The following COL24A1 variants were observed in gnomAD, a reference collection of about 807,000 sequenced individuals.
The protein encoded by COL24A1 is collagen type XXIV alpha 1 chain.
Under a neutral mutation model 253.9 loss-of-function variants are expected in COL24A1, and 224 were observed. The ratio of observed to expected loss-of-function variants is 0.88; its 90% CI spans 0.79 to 0.99. The LOEUF (loss-of-function observed/expected upper bound fraction) is 0.99. COL24A1 is among the 50% of genes least tolerant of loss of function. The probability of loss-of-function intolerance (pLI) is 0.00; values close to 1 mark genes in which losing one functional copy is unlikely to be tolerated. For synonymous variants in COL24A1, 685 were observed against 673.7 expected (o/e 1.02, Z -0.26); for missense variants, 2,131 against 2,068.5 (o/e 1.03, Z -0.59).
intron 19 of COL24A1, among the ~76,000 whole-genome samples, chr1:85,999,621 CTAAAATAAAATAAAG>C (rs1230654145): frequency 2.4e-5 from 3 of 127,622 alleles, no homozygotes; most frequent in South Asian, 2.9e-4. Context: ...CCCTGTCTCA[CTAAAATAAAATAAAG>C]TAAAATAAAA....
intron 37 of COL24A1, among the ~76,000 whole-genome samples, chr1:85,858,653 TTCCTTC>T (rs1343135990): frequency 1.3e-5 from 2 of 149,624 alleles, no homozygotes; most frequent in African/African-American, 2.5e-5. Context: ...CCTTCCTTCC[TTCCTTC>T]CTTCCTTCCT....
intron 59 of COL24A1, among the ~76,000 whole-genome samples, chr1:85,731,549 T>G (rs1389257480): frequency 1.3e-5 from 2 of 152,220 alleles, no homozygotes; most frequent in Non-Finnish European, 2.9e-5. Flanking sequence ...CACTGTTAGA[T>G]TCATTCATTA....
chr1:86,130,427 T>C lies in COL24A1; in HGVS notation c.122-4213A>G, dbSNP rs565647860. 2.0e-5 allele frequency among the ~76,000 whole-genome samples: 3 copies of C among 152,068 alleles called. No individual in the cohort carries two copies. In the South Asian group the frequency reaches 6.2e-4, roughly 32 times the overall value. ...TAATTTTTTGAAGTCTTTCACTATG[T>C]AGTTTGTTTCCTTTGCTTTGCTTTG... On this transcript the variant is annotated intron_variant, in intron 2 of 59. Coordinates refer to ENST00000370571, the MANE Select transcript of COL24A1 (RefSeq NM_152890.7).
chr1:86,114,840 T>C lies in COL24A1; in HGVS notation c.1545+485A>G, dbSNP rs182775339. Among the ~76,000 whole-genome samples the C allele has an allele frequency of 2.3e-4, 35 of 152,300 alleles. No homozygotes were observed. In the East Asian group the frequency reaches 6.4e-3, roughly 28 times the overall value. On this transcript the variant is annotated intron_variant, in intron 4 of 59. Coordinates refer to ENST00000370571, the MANE Select transcript of COL24A1 (RefSeq NM_152890.7). Reference sequence around the variant, plus strand: ...AGAGAAACTAATTTTAACATAGCAATAAGTCTTTTGTTGGGCCTGTGTAAC... The same window carrying C: ...AGAGAAACTAATTTTAACATAGCAACAAGTCTTTTGTTGGGCCTGTGTAAC...
chr1:85,866,491 GA>G (rs1340650685), intron 37 of COL24A1, among the ~76,000 whole-genome samples: 8 of 151,644 alleles, frequency 5.3e-5, no homozygotes, highest in African/African-American at 1.9e-4. Context: ...ATAATTTTGG[GA>G]GCTGGGCATG....
rs142446788 is a variant in COL24A1 at position 85,849,356 on chromosome 1, T to G, written c.3351A>C (p.Lys1117Asn). The change falls in exon 38 of 60, where the codon AAA (lysine) becomes AAC (asparagine). Residue 1117 changes from lysine to asparagine, a missense_variant. By Grantham distance (94) the Lys-to-Asn change is moderately conservative. Transcript: ENST00000370571. ...GIPGQRGRPG[K>N]KGDKGQIGPT... ...ATAAGAAGATGTAAAAAATTACCTTTTTTCCTGGACGACCTCTTTGCCCTG... is the reference window on the plus strand; with the variant it reads ...ATAAGAAGATGTAAAAAATTACCTTGTTTCCTGGACGACCTCTTTGCCCTG... 1 of 1,612,820 alleles carries G rather than the reference T, an allele frequency of 6.2e-7. No individual in the cohort carries two copies. The highest frequency in any genetic ancestry group is 2.2e-5 in the East Asian group (1 of 44,784).
chr1:86,001,692 G>GA (rs879896269), intron 19 of COL24A1, among the ~76,000 whole-genome samples: 60 of 151,620 alleles, frequency 4.0e-4, no homozygotes, highest in African/African-American at 1.4e-3. Flanking sequence ...AATTATAGGG[G>GA]AAAAAAAAGA....
intron 1 of COL24A1, 138 bp downstream of exon 1, chr1:86,156,203 C>A: frequency 1.5e-6 from 1 of 662,184 alleles, no homozygotes; most frequent in Non-Finnish European, 2.6e-6. Flanking sequence ...GGGGAAGATA[C>A]CGCGGGTACT....
At chr1:86,117,093 T>C (rs1706221552) in intron 3 of COL24A1, among the ~76,000 whole-genome samples, 1 of 152,164 alleles carries the variant, frequency 6.6e-6, no homozygotes, top group African/African-American at 2.4e-5. Context: ...AAATGAAAAG[T>C]TTTCTTTAAA....
chr1:85,847,895 TAAC>T, intron 38 of COL24A1, 123 bp from the exon 39 acceptor site: 1 of 507,158 alleles, frequency 2.0e-6, no homozygotes, highest in South Asian at 3.8e-5. Flanking sequence ...AGATCACTAT[TAAC>T]AACAATAACA....
chr1:85,804,666 C>T (rs1158083551), intron 47 of COL24A1, among the ~76,000 whole-genome samples: 3 of 152,078 alleles, frequency 2.0e-5, no homozygotes, highest in African/African-American at 7.2e-5. Context: ...CATCAGATCT[C>T]ATGAGACCCA....
intron 42 of COL24A1, 87 bp from the exon 43 acceptor site, chr1:85,838,725 C>T: frequency 7.9e-7 from 1 of 1,258,254 alleles, no homozygotes; most frequent in Non-Finnish European, 1.1e-6. Context: ...GTTGTTTATT[C>T]TTTTGTCAAA....
At chr1:85,917,212 T>G (rs1685980218) in intron 24 of COL24A1, among the ~76,000 whole-genome samples, 1 of 152,226 alleles carries the variant, frequency 6.6e-6, no homozygotes, top group South Asian at 2.1e-4. Context: ...ATGTGTTTTG[T>G]GCAAAATTTT....
intron 13 of COL24A1, 107 bp from the exon 14 acceptor site, chr1:86,032,029 A>G (rs938777087): frequency 1.2e-6 from 1 of 805,930 alleles, no homozygotes; most frequent in Non-Finnish European, 2.0e-6. Flanking sequence ...ATCAAAATGT[A>G]CCTTCTACTA....
At chr1:85,974,141 G>A (rs1692435987) in intron 20 of COL24A1, among the ~76,000 whole-genome samples, 2 of 152,054 alleles carry the variant, frequency 1.3e-5, no homozygotes, top group Non-Finnish European at 2.9e-5. Flanking sequence ...ATTAGAGAGG[G>A]AAATTTTAAG....
chr1:86,056,721 G>T (rs1700688271), intron 10 of COL24A1, among the ~76,000 whole-genome samples: 1 of 151,768 alleles, frequency 6.6e-6, no homozygotes, highest in African/African-American at 2.4e-5. Context: ...TGGTGTGGTG[G>T]CACGTGCCTG....
At chr1:85,983,881 A>G (rs1344398168) in intron 20 of COL24A1, among the ~76,000 whole-genome samples, 1 of 151,900 alleles carries the variant, frequency 6.6e-6, no homozygotes, top group Non-Finnish European at 1.5e-5. Flanking sequence ...TGATAAAATC[A>G]TCCCAGGATA....
chr1:86,129,139 T>G (rs1251230056), intron 2 of COL24A1, among the ~76,000 whole-genome samples: 1 of 151,868 alleles, frequency 6.6e-6, no homozygotes, highest in Admixed American at 6.6e-5. Flanking sequence ...TTTAGTCTAA[T>G]TTTCCACTGC....
Position 85,970,408 on chromosome 1 carries a change from T to C in COL24A1, c.2419-137A>G, listed in dbSNP as rs1350365844. ...TGAAAATAATGCTGTTATTTTCTTG[T>C]ACTTTGAACTCCATCACCCCACAAC... On this transcript the variant is annotated intron_variant, in intron 21 of 59. Coordinates refer to ENST00000370571, the MANE Select transcript of COL24A1 (RefSeq NM_152890.7). 3 of 861,062 alleles carry C rather than the reference T, an allele frequency of 3.5e-6. No individual in the cohort carries two copies. The African/African-American group carries it at 5.2e-5, about 15-fold the overall frequency. The allele number at this position is 861,062 out of a possible 1,614,324, so 53.3% of individuals were successfully genotyped here.
Sources: allele counts gnomAD v4.1 joint callset (sites outside exome capture counted in the v4.1 genomes callset), GRCh38; gene constraint gnomAD v4.1.1; transcripts MANE v1.5; gene names NCBI Gene and HGNC (gene_info 2026-07-23, HGNC 2026-07-21).